The following BMS1 variants were observed in gnomAD, a reference collection of about 807,000 sequenced individuals.
The protein encoded by BMS1 is ribosome biogenesis protein BMS1 homolog.
A neutral mutation model predicts 138.7 loss-of-function variants in BMS1; 53 were observed. The observed-to-expected ratio is 0.38, with a 90% CI of 0.31 to 0.48. BMS1 has a LOEUF of 0.48. Ranked by LOEUF, BMS1 falls within the 20% of genes least tolerant of loss-of-function variation. The pLI, the probability that BMS1 is intolerant of heterozygous loss-of-function variation, is 0.97. For synonymous variants in BMS1, 504 were observed against 539.9 expected (o/e 0.93, Z 0.92); for missense variants, 1,360 against 1,565.5 (o/e 0.87, Z 2.22).
rs181628192 is a variant in BMS1, at chr10:42,833,666, A to G, written c.*2570A>G. 26 of 152,372 alleles carry G rather than the reference A, an allele frequency of 1.7e-4. No homozygotes were observed. Among genetic ancestry groups the G allele is most frequent in the African/African-American group, 6.3e-4 (26 of 41,594 alleles). The allele number at this position is 152,372 out of a possible 1,614,324, so 9.4% of individuals were successfully genotyped here. A position where few individuals can be genotyped will look rare whatever the true frequency, so the allele number is the denominator to read the frequency against. ...ATACGTGGTCCATCCTTGACTGAAC[A>G]TCATGCGGCATGTGGCTGTATGTAT... On this transcript the variant is annotated 3_prime_UTR_variant, in exon 23 of 23. Coordinates refer to ENST00000374518, the MANE Select transcript of BMS1 (RefSeq NM_014753.4).
chr10:42,819,162 AAGAG>A (rs771926512), intron 15 of BMS1, among the ~76,000 whole-genome samples: 3 of 152,210 alleles, frequency 2.0e-5, no homozygotes, highest in Non-Finnish European at 4.4e-5. Flanking sequence ...GTTTTGAGAT[AAGAG>A]AGAGAACAGA....
chr10:42,825,886 T>C (rs1842624033), intron 21 of BMS1, among the ~76,000 whole-genome samples: 1 of 152,240 alleles, frequency 6.6e-6, no homozygotes, highest in Non-Finnish European at 1.5e-5. Context: ...CCACTAACTA[T>C]TATGTAGACT....
In BMS1 at chr10:42,798,618, T is replaced by G; in HGVS notation, c.2240T>G (p.Leu747Ter). 2 of 1,614,232 alleles carry G rather than the reference T, an allele frequency of 1.2e-6. No homozygotes were observed. The highest frequency in any genetic ancestry group is 1.7e-6 in the Non-Finnish European group (2 of 1,180,024). Residue 747 changes from leucine to a stop codon, truncating the protein, a stop_gained, in exon 12 of 23, where the codon TTA becomes TGA. Transcript: ENST00000374518. LOFTEE classifies it high-confidence loss of function. ...GTGGAGGCCCCCCATGACTGGGATT[T>G]AGAGGAGGTAAGTCTGGGTAGTACA... ...FLVEAPHDWD[L>*]EEVMNSIRDC...
At position 42,830,927 on chromosome 10, in the gene BMS1, A is replaced by G. The variant is rs1842784011; in HGVS notation, c.3680A>G (p.Glu1227Gly). The change falls in exon 23 of 23, where the codon GAG (glutamate) becomes GGG (glycine). Residue 1227 changes from glutamate (E) to glycine (G), a missense_variant. Glu to Gly is a moderately conservative substitution (Grantham distance 98, BLOSUM62 -2). This residue lies in a region of BMS1 where 425 missense variants were observed against 568.3 expected (regional missense o/e 0.75). Transcript: ENST00000374518. The part of the protein sequence containing the change: ...VHSQKMKKAK[E>G]QRHLHNKEHF... ...AGTCAGAAGATGAAGAAGGCCAAGGAGCAGCGGCACCTGCACAATAAAGAG... is the reference window on the plus strand; with the variant it reads ...AGTCAGAAGATGAAGAAGGCCAAGGGGCAGCGGCACCTGCACAATAAAGAG... 2 of 1,612,166 alleles carry G rather than the reference A, an allele frequency of 1.2e-6. No individual in the cohort carries two copies. The highest frequency in any genetic ancestry group is 1.1e-5 in the South Asian group (1 of 90,628).
intron 13 of BMS1, among the ~76,000 whole-genome samples, chr10:42,813,852 T>C (rs1564425038): frequency 6.6e-6 from 1 of 152,248 alleles, no homozygotes; most frequent in Non-Finnish European, 1.5e-5. Flanking sequence ...TGTCTTTATT[T>C]CTCTCTTCAT....
At chr10:42,795,000 G>A (rs1253741335) in intron 9 of BMS1, among the ~76,000 whole-genome samples, 5 of 151,484 alleles carry the variant, frequency 3.3e-5, no homozygotes, top group Non-Finnish European at 7.4e-5. Context: ...ACCTATGAGT[G>A]AGAATATGCG....
chr10:42,821,035 A>G, intron 18 of BMS1, 43 bp downstream of exon 18: 1 of 1,450,018 alleles, frequency 6.9e-7, no homozygotes, highest in Non-Finnish European at 9.6e-7. Context: ...GGTTTGAGAA[A>G]TATATCCTGG....
intron 13 of BMS1, among the ~76,000 whole-genome samples, chr10:42,814,030 C>T (rs563802708): frequency 6.6e-6 from 1 of 152,312 alleles, no homozygotes; most frequent in South Asian, 2.1e-4. Flanking sequence ...TCCCTACAGG[C>T]ATTCTGCCAT....
intron 21 of BMS1, among the ~76,000 whole-genome samples, chr10:42,825,800 T>C (rs1405679786): frequency 2.0e-5 from 3 of 152,234 alleles, no homozygotes; most frequent in Non-Finnish European, 4.4e-5. Context: ...TTGCAAGTAC[T>C]CTATTGAATA....
chr10:42,806,737 G>GA (rs35466848), intron 13 of BMS1, among the ~76,000 whole-genome samples: 28,142 of 99,128 alleles, frequency 0.28, 4,872 homozygotes, highest in African/African-American at 0.52. Flanking sequence ...TCCGTCTCAG[G>GA]AAAAAAAAAA....
intron 21 of BMS1, among the ~76,000 whole-genome samples, chr10:42,826,713 A>G (rs1842657151): frequency 6.6e-6 from 1 of 152,184 alleles, no homozygotes; most frequent in Non-Finnish European, 1.5e-5. Context: ...TGGGGGTGCC[A>G]TGTTGGCTCA....
At chr10:42,823,914 G>T in intron 21 of BMS1, 130 bp downstream of exon 21, 1 of 812,698 alleles carries the variant, frequency 1.2e-6, no homozygotes, top group Non-Finnish European at 1.7e-6. Flanking sequence ...AAATTTGATT[G>T]AACAGTTGTA....
chr10:42,789,823 C>T (rs532499423), intron 4 of BMS1, among the ~76,000 whole-genome samples: 2 of 152,170 alleles, frequency 1.3e-5, no homozygotes, highest in Admixed American at 1.3e-4. Flanking sequence ...ATGCCAGAGA[C>T]CTGTTATTTG....
Position 42,823,656 on chromosome 10 carries a change from T to TATA in BMS1, c.3330_3332dup (p.Asn1111dup). ...GTATCCTGTTTCCATCCCAGCGTTC[T>TATA]ATAACCCAGTAACATCTTTGTTGAA... is the stretch of plus-strand genomic sequence containing the variant. On this transcript the variant is annotated inframe_insertion, in exon 21 of 23. Coordinates refer to ENST00000374518, the MANE Select transcript of BMS1 (RefSeq NM_014753.4). 1 of 1,595,324 alleles carries TATA rather than the reference T, an allele frequency of 6.3e-7. No individual in the cohort carries two copies. Among genetic ancestry groups the TATA allele is most frequent in the Non-Finnish European group, 8.5e-7 (1 of 1,179,306 alleles).
chr10:42,827,747 G>A (rs948887760), intron 21 of BMS1, among the ~76,000 whole-genome samples: 1 of 152,108 alleles, frequency 6.6e-6, no homozygotes, highest in Admixed American at 6.5e-5. Context: ...ACTCCTTGAT[G>A]CACTCTGGGG....
intron 8 of BMS1, 48 bp from the exon 9 acceptor site, chr10:42,793,804 A>G (rs1470653202): frequency 1.3e-6 from 2 of 1,575,040 alleles, no homozygotes; most frequent in Non-Finnish European, 1.7e-6. Context: ...GTGTCTCTCC[A>G]GGATCTTTGT....
chr10:42,834,585 CA>C lies in BMS1; in HGVS notation c.*3491del, dbSNP rs764090014. On this transcript the variant is annotated 3_prime_UTR_variant, in exon 23 of 23. Transcript: ENST00000374518. ...ATTGTACATTTTTATAATCCTTTAA[CA>C]AGACAAAAGGTTGAGATGTTGGACA... is the stretch of plus-strand genomic sequence containing the variant. The C allele has an allele frequency of 1.3e-5, 2 of 151,998 alleles. No individual in the cohort carries two copies. The highest frequency in any genetic ancestry group is 2.9e-5 in the Non-Finnish European group (2 of 68,018). The allele number at this position is 151,998 out of a possible 1,614,324, so 9.4% of individuals were successfully genotyped here. A position where few individuals can be genotyped will look rare whatever the true frequency, so the allele number is the denominator to read the frequency against.
At chr10:42,811,520 C>CTTTCT (rs1842177366) in intron 13 of BMS1, among the ~76,000 whole-genome samples, 4 of 121,582 alleles carry the variant, frequency 3.3e-5, no homozygotes, top group Non-Finnish European at 4.9e-5. Context: ...GTTGTATTTT[C>CTTTCT]TTTTTCTTTT....
chr10:42,797,108 C>A lies in BMS1; in HGVS notation c.1864C>A (p.Gln622Lys). Reference sequence around the variant, plus strand: ...TAGAAAAAAGCTTTCAAAGCCTTCTCAAGTGAGCAGTGGTCAGAAACTGGG... The same window carrying A: ...TAGAAAAAAGCTTTCAAAGCCTTCTAAAGTGAGCAGTGGTCAGAAACTGGG... ...AIRKKLSKPSQVSSGQKLGPQ... is the reference protein window; with the variant it reads ...AIRKKLSKPSKVSSGQKLGPQ... Residue 622 changes from glutamine (Q) to lysine (K), a missense_variant, in exon 10 of 23, where the codon CAA becomes AAA. This residue lies in a region of BMS1 where 697 missense variants were observed against 686.2 expected (regional missense o/e 1.02). Coordinates refer to ENST00000374518, the MANE Select transcript of BMS1 (RefSeq NM_014753.4). 1 of 1,614,206 alleles carries A rather than the reference C, an allele frequency of 6.2e-7. No individual in the cohort carries two copies. Among genetic ancestry groups the A allele is most frequent in the South Asian group, 1.1e-5 (1 of 91,076 alleles).
Sources: gnomAD v4.1 joint callset for allele counts (sites outside exome capture counted in the v4.1 genomes callset) on GRCh38, gnomAD v4.1.1 for gene constraint, gnomAD v4.1.1 regional missense constraint, MANE v1.5 for transcripts, NCBI Gene and HGNC (gene_info 2026-07-23, HGNC 2026-07-21) for gene names.